The following ANKRD36C variants were observed in gnomAD, a reference collection of about 807,000 sequenced individuals.
ANKRD36C encodes the protein ankyrin repeat domain 36C.
In ANKRD36C, 61 loss-of-function variants were observed where a neutral mutation model predicts 276.4. The observed-to-expected ratio is 0.22, with a 90% CI of 0.18 to 0.27. The LOEUF is 0.27. ANKRD36C is among the 10% of genes least tolerant of loss of function. ANKRD36C has a pLI of 1.00. For missense variants in ANKRD36C, 1,447 were observed against 2,032.3 expected, an observed-to-expected ratio of 0.71 and a Z score of 5.54; for synonymous variants, 483 against 680.1, an observed-to-expected ratio of 0.71 and a Z score of 4.51.
chr2:95,923,420 G>A (rs1024301361), intron 32 of ANKRD36C, 75 bp downstream of exon 32: 119 of 1,544,112 alleles, frequency 7.7e-5, no homozygotes, highest in Non-Finnish European at 9.7e-5. Flanking sequence ...TGAGCCCCCC[G>A]CTGATTTATT....
intron 58 of ANKRD36C, among the ~76,000 whole-genome samples, chr2:95,879,947 G>A (rs865837558): frequency 1.5e-4 from 21 of 142,308 alleles, no homozygotes; most frequent in Middle Eastern, 3.2e-3. Context: ...TTGGGAGGGC[G>A]AGGCGGGAGG....
chr2:95,921,703 A>G (rs1677274848), intron 33 of ANKRD36C, 24 bp from the exon 34 acceptor site: 1 of 1,580,016 alleles, frequency 6.3e-7, no homozygotes, highest in Non-Finnish European at 8.6e-7. Flanking sequence ...GAAAGAAAAT[A>G]ATAAATAAAT....
intron 6 of ANKRD36C, among the ~76,000 whole-genome samples, chr2:95,974,756 C>T (rs915517199): frequency 6.7e-6 from 1 of 149,898 alleles, no homozygotes; most frequent in Non-Finnish European, 1.5e-5. Flanking sequence ...GCACCCAATA[C>T]CTCATCATTT....
At chr2:95,985,022 A>G (rs111462023) in intron 3 of ANKRD36C, among the ~76,000 whole-genome samples, 2 of 152,232 alleles carry the variant, frequency 1.3e-5, no homozygotes, top group South Asian at 2.1e-4. Flanking sequence ...AGAATTTTTT[A>G]CTATTGTAAT....
At chr2:95,927,675 A>G (rs538020095) in intron 26 of ANKRD36C, among the ~76,000 whole-genome samples, 1 of 151,782 alleles carries the variant, frequency 6.6e-6, no homozygotes, top group African/African-American at 2.4e-5. Context: ...TGTCAATATC[A>G]ATGTGGATAT....
chr2:95,983,154 C>T (rs1462813925), intron 3 of ANKRD36C, among the ~76,000 whole-genome samples: 1 of 150,960 alleles, frequency 6.6e-6, no homozygotes, highest in Non-Finnish European at 1.5e-5. Flanking sequence ...CTGACATTGT[C>T]ACCTGAGATT....
intron 59 of ANKRD36C, among the ~76,000 whole-genome samples, chr2:95,874,758 GA>G (rs1675903476): frequency 1.3e-5 from 2 of 152,146 alleles, no homozygotes; most frequent in African/African-American, 4.8e-5. Flanking sequence ...CAAAATGGGA[GA>G]AAATTTTTGC....
intron 56 of ANKRD36C, 52 bp downstream of exon 76, chr2:95,882,250 A>G (rs2258819): frequency 1.9e-4 from 300 of 1,541,176 alleles, no homozygotes; most frequent in Non-Finnish European, 2.3e-4. Flanking sequence ...GGGGTGGGAC[A>G]TTGTCTTCTA....
At chr2:95,945,463 C>G (rs528531037) in intron 17 of ANKRD36C, among the ~76,000 whole-genome samples, 1 of 152,310 alleles carries the variant, frequency 6.6e-6, no homozygotes, top group South Asian at 2.1e-4. Context: ...CAAACTGGGA[C>G]AAAAATTTAC....
chr2:95,953,694 T>C (rs1678256981), intron 14 of ANKRD36C, among the ~76,000 whole-genome samples: 1 of 152,158 alleles, frequency 6.6e-6, no homozygotes, highest in Non-Finnish European at 1.5e-5. Context: ...TCTGTCACTG[T>C]GTATTTCCCA....
chr2:95,943,483 CA>C (rs199616343), intron 19 of ANKRD36C, among the ~76,000 whole-genome samples: 46,744 of 132,164 alleles, frequency 0.35, 8,473 homozygotes, highest in East Asian at 0.51. Flanking sequence ...GACTCCGTCT[CA>C]AAAAAAAAAA....
intron 3 of ANKRD36C, among the ~76,000 whole-genome samples, chr2:95,984,439 T>C (rs1008599884): frequency 1.8e-4 from 28 of 152,250 alleles, no homozygotes; most frequent in African/African-American, 6.0e-4. Context: ...TTGAGACAAT[T>C]TGTAGAGGCA....
At chr2:95,914,237 C>T (rs763655208) in intron 39 of ANKRD36C, 38 bp downstream of exon 41, 20 of 1,556,954 alleles carry the variant, frequency 1.3e-5, no homozygotes, top group Non-Finnish European at 1.7e-5. Flanking sequence ...ATAGACTATG[C>T]ATTTACTAGG....
Position 95,980,878 on chromosome 2 carries a change from A to G in ANKRD36C, c.594-93T>C. ...AACTTAATATGTTGCCTGTCCATGT[A>G]GAATTAACCCAATTACATGTACTAA... On this transcript the variant is annotated intron_variant, in intron 4 of 66. Coordinates refer to ENST00000456556, the Ensembl canonical transcript of ANKRD36C. The G allele has an allele frequency of 2.0e-6, 3 of 1,469,848 alleles. No homozygotes were observed. In the South Asian group the frequency reaches 4.3e-5, roughly 21 times the overall value. 91.1% of individuals were successfully genotyped at this position (1,469,848 alleles called of 1,614,324 possible).
At chr2:95,875,102 C>A (rs1314157717) in intron 59 of ANKRD36C, among the ~76,000 whole-genome samples, 1 of 152,156 alleles carries the variant, frequency 6.6e-6, no homozygotes, top group Non-Finnish European at 1.5e-5. Flanking sequence ...CTAGTTCAAC[C>A]ATTGTGGAAG....
chr2:95,859,327 C>T (rs4990675), intron 61 of ANKRD36C, among the ~76,000 whole-genome samples: 52 of 151,944 alleles, frequency 3.4e-4, no homozygotes, highest in African/African-American at 9.4e-4. Flanking sequence ...CCACTGCACC[C>T]GGCTGATAAT....
intron 60 of ANKRD36C, 37 bp from the exon 81 acceptor site, chr2:95,860,111 A>G (rs776039411): frequency 1.5e-6 from 2 of 1,297,926 alleles, no homozygotes; most frequent in South Asian, 1.3e-5. Flanking sequence ...GATAAAATAC[A>G]TGAGTAGATT....
chr2:95,944,364 G>C (rs959128517), intron 19 of ANKRD36C, among the ~76,000 whole-genome samples: 3 of 152,004 alleles, frequency 2.0e-5, no homozygotes, highest in Non-Finnish European at 4.4e-5. Flanking sequence ...AACCTTTTAG[G>C]AATCCTAGTC....
chr2:95,948,393 A>T, intron 17 of ANKRD36C, 137 bp downstream of exon 17: 4 of 842,302 alleles, frequency 4.7e-6, no homozygotes, highest in Non-Finnish European at 6.7e-6. Flanking sequence ...CTATTTCTTT[A>T]AAATGGTTAT....
Sources: gnomAD v4.1 joint callset for allele counts (sites outside exome capture counted in the v4.1 genomes callset) on GRCh38, gnomAD v4.1.1 for gene constraint, MANE v1.5 for transcripts, NCBI Gene and HGNC (gene_info 2026-07-23, HGNC 2026-07-21) for gene names.